ZNF582: variants seen among roughly 807,000 people sequenced by gnomAD.
ZNF582 encodes the protein zinc finger protein 582.
A neutral mutation model predicts 12.3 loss-of-function variants in ZNF582; 14 were observed. The ratio of observed to expected loss-of-function variants is 1.14; its 90% CI spans 0.75 to 1.78. The LOEUF (loss-of-function observed/expected upper bound fraction) is 1.78. Ranked by LOEUF, ZNF582 falls within the 40% of genes most tolerant of loss-of-function variation. ZNF582 has a pLI of 0.00. For missense variants in ZNF582, 567 were observed against 616.5 expected (o/e 0.92, Z 0.85); for synonymous variants, 210 against 207.2 (o/e 1.01, Z -0.11).
chr19:56,386,983 A>C (rs1226768353), intron 4 of ZNF582, among the ~76,000 whole-genome samples: 1 of 152,272 alleles, frequency 6.6e-6, no homozygotes, highest in Non-Finnish European at 1.5e-5. Flanking sequence ...TTCATACTTT[A>C]AATTGATATA....
chr19:56,388,313 C>T (rs959370539), intron 4 of ZNF582: 1 of 152,026 alleles, frequency 6.6e-6, no homozygotes, highest in African/African-American at 2.4e-5. Context: ...AATATGCCAC[C>T]TACTATTAAT....
In ZNF582 at chr19:56,393,351, T is replaced by G. The variant is rs774760283; in HGVS notation, c.-212A>C. 373 of 988,502 alleles carry G rather than the reference T, an allele frequency of 3.8e-4. 1 individual carries two copies. The highest frequency in any genetic ancestry group is 9.7e-4 in the South Asian group (72 of 73,976). The allele number at this position is 988,502 out of a possible 1,614,324, so 61.2% of individuals were successfully genotyped here. On this transcript the variant is annotated 5_prime_UTR_variant, in exon 1 of 5. Transcript: ENST00000586929. Reference sequence around the variant, plus strand: ...CACAGAGCGACGATGAGGCGAGACGTCTGCGTTCTTCTCAGGCCTGAGACC... The same window carrying G: ...CACAGAGCGACGATGAGGCGAGACGGCTGCGTTCTTCTCAGGCCTGAGACC...
rs1448985220 is a variant in ZNF582, at chr19:56,391,331, C to A, written c.9+413G>T. On this transcript the variant is annotated intron_variant, in intron 2 of 4. Coordinates refer to ENST00000586929, the Ensembl canonical transcript of ZNF582. The stretch of plus-strand genomic sequence containing the variant: ...TGGCATCAAATTTTTGATGGATTCC[C>A]AGCCAAACCTCAATTACATATCCAA... 3.3e-5 allele frequency among the ~76,000 whole-genome samples: 5 copies of A among 152,298 alleles called. No homozygotes were observed. The South Asian group carries it at 1.0e-3, about 32-fold the overall frequency.
chr19:56,385,850 G>A (rs946046866), intron 4 of ZNF582, among the ~76,000 whole-genome samples: 3 of 152,142 alleles, frequency 2.0e-5, no homozygotes, highest in Non-Finnish European at 4.4e-5. Flanking sequence ...TTGGGTTGAT[G>A]GAAATGTTCG....
intron 4 of ZNF582, chr19:56,386,569 A>G (rs533182322): frequency 3.9e-4 from 60 of 152,428 alleles, no homozygotes; most frequent in African/African-American, 1.4e-3. Context: ...AAAAAGCTGA[A>G]TGCTATAATG....
chr19:56,389,702 TAAAA>T (rs1457395339), intron 4 of ZNF582, among the ~76,000 whole-genome samples: 1 of 151,874 alleles, frequency 6.6e-6, no homozygotes, highest in African/African-American at 2.4e-5. Flanking sequence ...TTAAAATTAA[TAAAA>T]AAAGAAAAAT....
exon 5 of ZNF582, chr19:56,385,054 A>G (rs2041953547): frequency 3.1e-6 from 5 of 1,614,112 alleles, no homozygotes; most frequent in Non-Finnish European, 4.2e-6. Flanking sequence ...TGCATTCCCA[A>G]TCATCTTGGA....
chr19:56,388,783 C>A (rs1046897152), intron 4 of ZNF582, among the ~76,000 whole-genome samples: 1 of 152,178 alleles, frequency 6.6e-6, no homozygotes, highest in Admixed American at 6.5e-5. Flanking sequence ...TAGGCACGTG[C>A]CACCACACCC....
exon 5 of ZNF582, chr19:56,383,054 A>C (rs778513547): frequency 3.9e-5 from 6 of 152,224 alleles, no homozygotes; most frequent in Non-Finnish European, 7.3e-5. Flanking sequence ...GATACTGGCC[A>C]TACTGTGCTG....
exon 3 of ZNF582, chr19:56,390,436 A>G: frequency 1.2e-6 from 2 of 1,614,200 alleles, no homozygotes; most frequent in Non-Finnish European, 1.7e-6. Flanking sequence ...CCCTCTGAGC[A>G]GGTGCCAACC....
chr19:56,392,143 AG>A (rs1230470869), intron 1 of ZNF582, among the ~76,000 whole-genome samples: 1 of 152,244 alleles, frequency 6.6e-6, no homozygotes, highest in Non-Finnish European at 1.5e-5. Flanking sequence ...AAGGACAAGG[AG>A]GGCTTCCCTC....
At chr19:56,384,145 T>G in exon 5 of ZNF582, 8 of 1,612,868 alleles carry the variant, frequency 5.0e-6, no homozygotes, top group Non-Finnish European at 5.9e-6. Flanking sequence ...ATTCCTTACA[T>G]TCATATGGCT....
exon 5 of ZNF582, chr19:56,383,602 T>C: frequency 3.1e-6 from 1 of 322,018 alleles, no homozygotes; most frequent in Non-Finnish European, 5.6e-6. Flanking sequence ...GTAAGAAAAC[T>C]ATAACTTTTG....
rs140809901 is a variant in ZNF582, at chr19:56,384,106, T to C, written c.1311A>G (p.Gln437=). ...TGTGAATAACCTGATGATGAATCAA[T>C]TGTGAGCAATGACTAAAAGCCTTCC... The change falls in exon 5 of 5, where the codon CAA becomes CAG. Residue 437 remains glutamine, a synonymous_variant. Transcript: ENST00000586929. The C allele has an allele frequency of 1.5e-3, 2,487 of 1,612,340 alleles. 29 individuals are homozygous for C. The highest frequency in any genetic ancestry group is 0.014 in the South Asian group (1,228 of 90,726).
chr19:56,385,314 A>T (rs1226250238), intron 4 of ZNF582, 130 bp from the exon 5 acceptor site: 5 of 911,880 alleles, frequency 5.5e-6, no homozygotes, highest in Non-Finnish European at 7.9e-6. Flanking sequence ...TATAAAATGG[A>T]CAAGTAGAAC....
chr19:56,388,663 C>G (rs1245902624), intron 4 of ZNF582, among the ~76,000 whole-genome samples: 1 of 152,064 alleles, frequency 6.6e-6, no homozygotes, highest in Non-Finnish European at 1.5e-5. Flanking sequence ...GACAGAGTCT[C>G]TCTCTGTTGC....
chr19:56,388,250 T>C (rs2041984931), intron 4 of ZNF582: 1 of 152,080 alleles, frequency 6.6e-6, no homozygotes, highest in African/African-American at 2.4e-5. Context: ...TGGGTAATAA[T>C]CTGTTACAGG....
At chr19:56,392,276 G>T (rs1368397815) in intron 1 of ZNF582, among the ~76,000 whole-genome samples, 1 of 152,200 alleles carries the variant, frequency 6.6e-6, no homozygotes, top group Admixed American at 6.5e-5. Context: ...AAGTCTACCT[G>T]GCTCTTTTCC....
At chr19:56,384,091 C>T in exon 5 of ZNF582, 1 of 1,611,768 alleles carries the variant, frequency 6.2e-7, no homozygotes, top group Non-Finnish European at 8.5e-7. Context: ...TGTGAATAAC[C>T]TGATGATGAA....
Sources: gnomAD v4.1 joint callset for allele counts (sites outside exome capture counted in the v4.1 genomes callset) on GRCh38, gnomAD v4.1.1 for gene constraint, MANE v1.5 for transcripts, NCBI Gene and HGNC (gene_info 2026-07-23, HGNC 2026-07-21) for gene names.